Variants in TPD52 observed in about 807,000 individuals in gnomAD.
TPD52 encodes the protein tumor protein D52, also known as prostate and colon associated protein.
A neutral mutation model predicts 31.3 loss-of-function variants in TPD52; 17 were observed. The ratio of observed to expected loss-of-function variants is 0.54; its 90% confidence interval spans 0.37 to 0.82. The LOEUF (loss-of-function observed/expected upper bound fraction) is 0.82. TPD52 is among the 40% of genes least tolerant of loss of function. The pLI is 0.00. For synonymous variants in TPD52, 83 were observed against 89.6 expected (o/e 0.93, Z 0.42); for missense variants, 212 against 240.1 (o/e 0.88, Z 0.77).
chr8:80,167,535 T>C (rs929928815), intron 1 of TPD52, among the ~76,000 whole-genome samples: 1 of 152,174 alleles, frequency 6.6e-6, no homozygotes, highest in Admixed American at 6.5e-5. Flanking sequence ...CAGCACCATA[T>C]GGAAATCACG....
At chr8:80,057,238 G>A (rs1475956633) in intron 2 of TPD52, among the ~76,000 whole-genome samples, 7 of 152,014 alleles carry the variant, frequency 4.6e-5, no homozygotes, top group African/African-American at 7.2e-5. Flanking sequence ...TGCTTACAGC[G>A]GCATTATTCA....
At chr8:80,154,000 A>G (rs1237858900) in intron 1 of TPD52, among the ~76,000 whole-genome samples, 2 of 152,192 alleles carry the variant, frequency 1.3e-5, no homozygotes, top group East Asian at 3.8e-4. Flanking sequence ...ATCCCTCCCT[A>G]TGCGCCCTTT....
intron 1 of TPD52, among the ~76,000 whole-genome samples, chr8:80,136,739 G>A (rs76245444): frequency 0.028 from 4,253 of 152,110 alleles, 207 homozygotes; most frequent in African/African-American, 0.097. Flanking sequence ...CTCCTAGGTA[G>A]AGACAAAGGC....
At chr8:80,146,362 CAA>C (rs1171926896) in intron 1 of TPD52, among the ~76,000 whole-genome samples, 1 of 152,176 alleles carries the variant, frequency 6.6e-6, no homozygotes, top group Non-Finnish European at 1.5e-5. Context: ...AGTTAGTCTA[CAA>C]AAAGACTTAG....
chr8:80,152,098 C>T lies in TPD52; in HGVS notation c.19+19327G>A, dbSNP rs545018627. Among the ~76,000 whole-genome samples, 5 of 152,266 alleles carry T rather than the reference C, an allele frequency of 3.3e-5. No individual in the cohort carries two copies. The South Asian group carries it at 6.2e-4, about 19-fold the overall frequency. On this transcript the variant is annotated intron_variant, in intron 1 of 7. Coordinates refer to ENST00000518937, the MANE Select transcript of TPD52 (RefSeq NM_001025253.3). ...AGAAAGGCAACACCCAGGCTTTAGA[C>T]GCACCTTCCAGAACAGACTTTTCTA...
chr8:80,142,572 C>T (rs1563657413), intron 1 of TPD52, among the ~76,000 whole-genome samples: 1 of 151,778 alleles, frequency 6.6e-6, no homozygotes, highest in African/African-American at 2.4e-5. Context: ...TGTTGTGCCG[C>T]ACAACTGTAG....
chr8:80,091,390 A>G (rs1816250743), intron 1 of TPD52, among the ~76,000 whole-genome samples: 1 of 151,148 alleles, frequency 6.6e-6, no homozygotes, highest in South Asian at 2.1e-4. Flanking sequence ...AATGGCCTGA[A>G]CCCAAGAGGC....
chr8:80,169,239 C>A (rs1159402211), intron 1 of TPD52, among the ~76,000 whole-genome samples: 2 of 152,116 alleles, frequency 1.3e-5, no homozygotes, highest in East Asian at 1.9e-4. Context: ...CCTCAGCTTC[C>A]CAAAGTGCTG....
intron 1 of TPD52, among the ~76,000 whole-genome samples, chr8:80,097,306 G>A (rs549066464): frequency 6.6e-6 from 1 of 152,316 alleles, no homozygotes; most frequent in South Asian, 2.1e-4. Context: ...AATGTATAAG[G>A]TGAAGCAGCA....
chr8:80,074,719 C>T (rs191885780), intron 1 of TPD52, among the ~76,000 whole-genome samples: 12 of 152,318 alleles, frequency 7.9e-5, no homozygotes, highest in African/African-American at 2.9e-4. Flanking sequence ...GAGGGAGCAT[C>T]TAAGAGGATG....
intron 4 of TPD52, chr8:80,051,237 C>T: frequency 2.4e-6 from 1 of 421,346 alleles, no homozygotes; most frequent in Non-Finnish European, 4.3e-6. Context: ...AATTTGCAAC[C>T]AAAGACATAC....
intron 2 of TPD52, among the ~76,000 whole-genome samples, chr8:80,055,769 A>C (rs1020863532): frequency 2.0e-5 from 3 of 152,234 alleles, no homozygotes; most frequent in Admixed American, 1.3e-4. Flanking sequence ...ATAAATGGCC[A>C]ACAAATATAT....
chr8:80,053,147 G>GA (rs1359194347), intron 3 of TPD52, 135 bp downstream of exon 3: 1 of 983,204 alleles, frequency 1.0e-6, no homozygotes, highest in Non-Finnish European at 1.4e-6. Context: ...TTGAAAATCA[G>GA]AAAAAAAGGG....
At chr8:80,108,510 T>G (rs1238004474) in intron 1 of TPD52, among the ~76,000 whole-genome samples, 1 of 152,210 alleles carries the variant, frequency 6.6e-6, no homozygotes, top group Non-Finnish European at 1.5e-5. Context: ...GTTATTGTTT[T>G]GATTTTTCTC....
intron 7 of TPD52, chr8:80,042,173 G>A (rs1810452605): frequency 1.0e-6 from 1 of 984,866 alleles, no homozygotes; most frequent in Non-Finnish European, 1.2e-6. Flanking sequence ...TGATTATGAT[G>A]TATGGCTACT....
chr8:80,033,320 G>GT (rs1395474488), downstream of TPD52: 2 of 143,808 alleles, frequency 1.4e-5, no homozygotes, highest in Non-Finnish European at 3.0e-5. Context: ...AGGGGGGTTG[G>GT]GGGGGGGACA....
At chr8:80,069,684 T>TC (rs1436249227) in intron 1 of TPD52, among the ~76,000 whole-genome samples, 1 of 152,062 alleles carries the variant, frequency 6.6e-6, no homozygotes, top group African/African-American at 2.4e-5. Flanking sequence ...CAGGTTTTTT[T>TC]TTAGTTTAAC....
intron 1 of TPD52, among the ~76,000 whole-genome samples, chr8:80,121,094 AG>A (rs1299734699): frequency 1.3e-5 from 2 of 151,600 alleles, no homozygotes; most frequent in African/African-American, 4.8e-5. Flanking sequence ...AAAAAAAAAA[AG>A]GAAAAAGAAA....
chr8:80,141,974 G>A (rs1320091447), intron 1 of TPD52, among the ~76,000 whole-genome samples: 1 of 152,082 alleles, frequency 6.6e-6, no homozygotes, highest in African/African-American at 2.4e-5. Flanking sequence ...GGGATAATAT[G>A]TAGCAATAGA....
Sources: allele counts gnomAD v4.1 joint callset (sites outside exome capture counted in the v4.1 genomes callset), GRCh38; gene constraint gnomAD v4.1.1; transcripts MANE v1.5; gene names NCBI Gene and HGNC (gene_info 2026-07-23, HGNC 2026-07-21).